Variants in ARHGAP1 observed in about 807,000 individuals in gnomAD.
The protein encoded by ARHGAP1 is Rho GTPase activating protein 1, also known as rho GTPase-activating protein 1.
ARHGAP1 carries 23 observed loss-of-function variants against 52.2 expected under a neutral mutation model. The observed-to-expected ratio is 0.44, with a 90% CI of 0.32 to 0.62. ARHGAP1 has a LOEUF of 0.62. Among genes scored for constraint, ARHGAP1 ranks in the 20% least tolerant of loss-of-function variants. ARHGAP1 has a pLI of 0.05. For missense variants in ARHGAP1, 480 were observed against 560.9 expected, an observed-to-expected ratio of 0.86 and a Z score of 1.46; for synonymous variants, 210 against 228.4, an observed-to-expected ratio of 0.92 and a Z score of 0.73.
At position 46,679,900 on chromosome 11, in the gene ARHGAP1, G is replaced by A. The variant is rs1216420403; in HGVS notation, c.899-124C>T. The stretch of plus-strand genomic sequence containing the variant: ...TGCATAAGCCCCTCCTCCCAGGGGC[G>A]CCCTCTGACACCTGCCTCCCTCTTC... On this transcript the variant is annotated intron_variant, in intron 10 of 12. Coordinates refer to ENST00000311956, the MANE Select transcript of ARHGAP1 (RefSeq NM_004308.5). The surrounding 1 kb of genome is among the most constrained non-coding windows in gnomAD (Gnocchi z 4.4). The A allele has an allele frequency of 3.5e-6, 5 of 1,414,118 alleles. No individual in the cohort carries two copies. The highest frequency in any genetic ancestry group is 2.8e-5 in the African/African-American group (2 of 70,252). 87.6% of individuals were successfully genotyped at this position (1,414,118 alleles called of 1,614,324 possible). A position where few individuals can be genotyped will look rare whatever the true frequency, so the allele number is the denominator to read the frequency against.
In ARHGAP1 at chr11:46,678,459, C is replaced by T. The variant is rs878914422; in HGVS notation, c.*578G>A. On this transcript the variant is annotated 3_prime_UTR_variant, in exon 13 of 13. Coordinates refer to ENST00000311956, the MANE Select transcript of ARHGAP1 (RefSeq NM_004308.5). ...GGCAGAAAGCAGACACAGTCTCCAG[C>T]CCTGTCACTCCTCAGCAGGGGAAAT... is the stretch of plus-strand genomic sequence containing the variant. The T allele has an allele frequency of 1.2e-5, 2 of 166,668 alleles. No homozygotes were observed. Among genetic ancestry groups the T allele is most frequent in the Admixed American group, 1.1e-4 (2 of 17,766 alleles). 10.3% of individuals were successfully genotyped at this position (166,668 alleles called of 1,614,324 possible).
chr11:46,679,278 T>C lies in ARHGAP1; in HGVS notation c.1132-53A>G. ...GGAAGCCACAGATGCTGCCTCCCAC[T>C]CCCAGCAACAATGACCAGGGCGCAG... On this transcript the variant is annotated intron_variant, in intron 12 of 12. Transcript: ENST00000311956. The surrounding 1 kb of genome is among the most constrained non-coding windows in gnomAD (Gnocchi z 4.4). 1 of 1,594,992 alleles carries C rather than the reference T, an allele frequency of 6.3e-7. No individual in the cohort carries two copies. Among genetic ancestry groups the C allele is most frequent in the South Asian group, 1.1e-5 (1 of 89,096 alleles).
In ARHGAP1 at chr11:46,696,013, T is replaced by C. The variant is rs368198060; in HGVS notation, c.95A>G (p.Asn32Ser). The C allele has an allele frequency of 6.2e-7, 1 of 1,614,070 alleles. No individual in the cohort carries two copies. The highest frequency in any genetic ancestry group is 1.3e-5 in the African/African-American group (1 of 74,936). ...GTCAGGCATTTCATCCGAGGGCCAG[T>C]TCTTCTCATCGATGGAGGCCAGCTT... ...QLKLASIDEK[N>S]WPSDEMPDFP... The change falls in exon 2 of 13, where the codon AAC becomes AGC. Residue 32 changes from asparagine (N) to serine (S), a missense_variant. Transcript: ENST00000311956. The surrounding 1 kb of genome is among the most constrained non-coding windows in gnomAD (Gnocchi z 4.8).
intron 1 of ARHGAP1, among the ~76,000 whole-genome samples, chr11:46,699,953 C>G (rs985876240): frequency 1.3e-5 from 2 of 151,902 alleles, no homozygotes; most frequent in Non-Finnish European, 2.9e-5. Flanking sequence ...GGGAGGATCA[C>G]GAGGTCAGGA....
chr11:46,682,035 C>T lies in ARHGAP1; in HGVS notation c.449+16G>A. 1.2e-6 allele frequency: 2 copies of T among 1,613,702 alleles called. No homozygotes were observed. Among genetic ancestry groups the T allele is most frequent in the Non-Finnish European group, 1.7e-6 (2 of 1,179,852 alleles). On this transcript the variant is annotated intron_variant, in intron 5 of 12. Coordinates refer to ENST00000311956, the MANE Select transcript of ARHGAP1 (RefSeq NM_004308.5). ...GCCTCTGGATCTGACTGTGCAGGCC[C>T]CATGCCCCAACCCACTTGCGGTCAA...
At position 46,688,184 on chromosome 11, in the gene ARHGAP1, G is replaced by A. The variant is rs1415390645; in HGVS notation, c.306C>T (p.Ser102=). The change falls in exon 4 of 13, where the codon AGC becomes AGT. Residue 102 remains serine, a synonymous_variant. Coordinates refer to ENST00000311956, the MANE Select transcript of ARHGAP1 (RefSeq NM_004308.5). ...CAGCAGGTACTCACCCCAGGAGCTTGCTGTGGTCGAGCTGGTGGCTGGGGG... is the reference window on the plus strand; with the variant it reads ...CAGCAGGTACTCACCCCAGGAGCTTACTGTGGTCGAGCTGGTGGCTGGGGG... The part of the protein sequence containing the change: ...RMPPSHQLDH[S]KLLGYLKHTL... 5.0e-6 allele frequency: 8 copies of A among 1,613,656 alleles called. No individual in the cohort carries two copies. Among genetic ancestry groups the A allele is most frequent in the Non-Finnish European group, 6.8e-6 (8 of 1,179,794 alleles).
intron 3 of ARHGAP1, 74 bp from the exon 4 acceptor site, chr11:46,688,334 G>T: frequency 7.1e-7 from 1 of 1,416,800 alleles, no homozygotes; most frequent in Non-Finnish European, 9.8e-7. Flanking sequence ...ACTTAAAGGG[G>T]CCAGGCCTGC....
rs2064510913 is a variant in ARHGAP1, at chr11:46,679,943, G to T, written c.899-167C>A. On this transcript the variant is annotated intron_variant, in intron 10 of 12. Transcript: ENST00000311956. The surrounding 1 kb of genome is among the most constrained non-coding windows in gnomAD (Gnocchi z 4.4). The stretch of plus-strand genomic sequence containing the variant: ...CCCTCTTCCTCTGTGATCAGAGAAT[G>T]CAGGTTCCGGCCATCTGGGGAAGTG... The T allele has an allele frequency of 3.3e-6, 4 of 1,198,124 alleles. No homozygotes were observed. The highest frequency in any genetic ancestry group is 2.3e-6 in the Non-Finnish European group (2 of 875,312). The allele number at this position is 1,198,124 out of a possible 1,614,324, so 74.2% of individuals were successfully genotyped here. A position where few individuals can be genotyped will look rare whatever the true frequency, so the allele number is the denominator to read the frequency against.
chr11:46,693,025 TG>T (rs1204181621), intron 3 of ARHGAP1, among the ~76,000 whole-genome samples: 1 of 152,098 alleles, frequency 6.6e-6, no homozygotes, highest in East Asian at 1.9e-4. Flanking sequence ...GAAAATTTTT[TG>T]TATTTTTAGT....
chr11:46,680,041 T>C lies in ARHGAP1; in HGVS notation c.898+164A>G, dbSNP rs1326628893. ...ACCCAGGACCCGGGAGCCCGACCGA[T>C]GAGGCAGCAGGCCTGGCAGAAGTAG... On this transcript the variant is annotated intron_variant, in intron 10 of 12. Transcript: ENST00000311956. This position sits in a 1 kb window ranked among gnomAD's most constrained non-coding sequence, Gnocchi z 5.9. 6.6e-6 allele frequency among the ~76,000 whole-genome samples: 1 copy of C among 152,064 alleles called. No homozygotes were observed. The highest frequency in any genetic ancestry group is 1.5e-5 in the Non-Finnish European group (1 of 67,996).
chr11:46,694,356 C>T (rs1201697702), intron 3 of ARHGAP1, among the ~76,000 whole-genome samples: 4 of 152,148 alleles, frequency 2.6e-5, no homozygotes, highest in Admixed American at 6.6e-5. Flanking sequence ...TGGCCTCCAC[C>T]GAGAGCCCTT....
intron 2 of ARHGAP1, 81 bp from the exon 3 acceptor site, chr11:46,695,836 C>T (rs2064648727): frequency 6.3e-7 from 1 of 1,575,106 alleles, no homozygotes; most frequent in African/African-American, 1.4e-5. Flanking sequence ...TCTGGCCCTT[C>T]CCCCAGTAAG....
chr11:46,681,328 G>A lies in ARHGAP1; in HGVS notation c.501C>T (p.Ile167=). 1 of 1,613,884 alleles carries A rather than the reference G, an allele frequency of 6.2e-7. No homozygotes were observed. Among genetic ancestry groups the A allele is most frequent in the Non-Finnish European group, 8.5e-7 (1 of 1,179,756 alleles). The part of the protein sequence containing the change: ...ALYIVHPTMF[I]KTLLILFKPL... ...GCTTGAAGAGGATGAGCAGAGTTTT[G>A]ATGAACATGGTTGGATGCACGATGT... Residue 167 remains isoleucine, a synonymous_variant, in exon 6 of 13, where the codon ATC becomes ATT. Transcript: ENST00000311956. This position sits in a 1 kb window ranked among gnomAD's most constrained non-coding sequence, Gnocchi z 5.7.
chr11:46,681,439 G>T lies in ARHGAP1; in HGVS notation c.450-60C>A. 7.8e-7 allele frequency: 1 copy of T among 1,282,954 alleles called. No homozygotes were observed. The highest frequency in any genetic ancestry group is 1.1e-6 in the Non-Finnish European group (1 of 885,694). The allele number at this position is 1,282,954 out of a possible 1,614,324, so 79.5% of individuals were successfully genotyped here. On this transcript the variant is annotated intron_variant, in intron 5 of 12. Transcript: ENST00000311956. The surrounding 1 kb of genome is among the most constrained non-coding windows in gnomAD (Gnocchi z 5.7). The stretch of plus-strand genomic sequence containing the variant: ...GTGGTGGGACAGGTGCCACGCTAGG[G>T]TCCCAGTGCATACTTTTTTTTTTTG...
chr11:46,678,233 G>C lies in ARHGAP1; in HGVS notation c.*804C>G. ...CGTGTGGGAAAGGAGGCCAAGAGGG[G>C]AGAGGCTAACCTGGCCGGTCACTGA... On this transcript the variant is annotated 3_prime_UTR_variant, in exon 13 of 13. Transcript: ENST00000311956. The C allele has an allele frequency of 5.5e-6, 1 of 183,268 alleles. No individual in the cohort carries two copies. The allele number at this position is 183,268 out of a possible 1,614,324, so 11.4% of individuals were successfully genotyped here.
Position 46,680,288 on chromosome 11 carries a change from A to G in ARHGAP1, c.821-6T>C, listed in dbSNP as rs542335557. On this transcript the variant is annotated splice_region_variant and splice_polypyrimidine_tract_variant and intron_variant, in intron 9 of 12. Transcript: ENST00000311956. This position sits in a 1 kb window ranked among gnomAD's most constrained non-coding sequence, Gnocchi z 5.9. ...GATGCCCTCGGTGGTGAGAGCTGGG[A>G]AACAGTAGGGCCTGGTGAGCCTCCG... 10 of 1,613,950 alleles carry G rather than the reference A, an allele frequency of 6.2e-6. No homozygotes were observed. In the African/African-American group the frequency reaches 1.3e-4, roughly 22 times the overall value.
At chr11:46,688,111 T>C in intron 4 of ARHGAP1, 62 bp downstream of exon 4, 1 of 1,513,880 alleles carries the variant, frequency 6.6e-7, no homozygotes. Context: ...GTAAAGAACG[T>C]GGCATTAGGC....
intron 1 of ARHGAP1, among the ~76,000 whole-genome samples, chr11:46,698,143 C>A (rs910006637): frequency 1.3e-5 from 2 of 152,226 alleles, no homozygotes; most frequent in Non-Finnish European, 2.9e-5. Flanking sequence ...GTATGGAGAG[C>A]TGGATTATCA....
rs371600449 is a variant in ARHGAP1 at position 46,682,576 on chromosome 11, C to A, written c.318-394G>T. Among the ~76,000 whole-genome samples, 592 of 152,320 alleles carry A rather than the reference C, an allele frequency of 3.9e-3. 3 individuals are homozygous for A. The highest frequency in any genetic ancestry group is 0.014 in the African/African-American group (578 of 41,580). On this transcript the variant is annotated intron_variant, in intron 4 of 12. Coordinates refer to ENST00000311956, the MANE Select transcript of ARHGAP1 (RefSeq NM_004308.5). ...GTGCAGGCCTGTAATCCCAGCTACT[C>A]AGGAGGCTGAGGCAGGAGAATCGCT...
Sources: gnomAD v4.1 joint callset for allele counts (sites outside exome capture counted in the v4.1 genomes callset) on GRCh38, gnomAD v4.1.1 for gene constraint, Gnocchi (gnomAD v3.1) non-coding constraint, MANE v1.5 for transcripts, NCBI Gene and HGNC (gene_info 2026-07-23, HGNC 2026-07-21) for gene names.